The following EXOC1L variants were observed in gnomAD, a reference collection of about 807,000 sequenced individuals.
EXOC1L encodes exocyst complex component 1-like.
EXOC1L carries 10 observed loss-of-function variants against 4.9 expected under a neutral mutation model. The ratio of observed to expected loss-of-function variants is 2.02; its 90% CI spans 1.25 to 3.43. The LOEUF (loss-of-function observed/expected upper bound fraction) is 3.43, where lower values mean the gene tolerates loss of function less well. Among genes scored for constraint, EXOC1L ranks in the 30% most tolerant of loss-of-function variants. EXOC1L has a pLI of 0.00. For synonymous variants in EXOC1L, 41 were observed against 20.8 expected (o/e 1.97, Z -2.63); for missense variants, 114 against 59.4 (o/e 1.92, Z -3.02).
intron 1 of EXOC1L, among the ~76,000 whole-genome samples, chr4:55,827,374 C>G (rs1231763510): frequency 6.6e-6 from 1 of 152,168 alleles, no homozygotes; most frequent in East Asian, 1.9e-4. Flanking sequence ...TCCCAGACCC[C>G]CACTTGGATG....
Position 55,837,247 on chromosome 4 carries a change from G to A in EXOC1L, c.415G>A (p.Asp139Asn), listed in dbSNP as rs1161335055. Reference protein sequence around the residue: ...VNFDSTYINDDSIWSSNNKDC... With the variant: ...VNFDSTYINDNSIWSSNNKDC... ...CTTTGATTCTACATACATTAACGAT[G>A]ATTCCATTTGGTCCTCCAACAATAA... The change falls in exon 3 of 3, where the codon GAT becomes AAT. Residue 139 changes from aspartate to asparagine, a missense_variant. Transcript: ENST00000636125. 7 of 701,170 alleles carry A rather than the reference G, an allele frequency of 1.0e-5. No individual in the cohort carries two copies. In the East Asian group the frequency reaches 1.6e-4, roughly 16 times the overall value. The allele number at this position is 701,170 out of a possible 1,614,324, so 43.4% of individuals were successfully genotyped here. A position where few individuals can be genotyped will look rare whatever the true frequency, so the allele number is the denominator to read the frequency against.
intron 2 of EXOC1L, among the ~76,000 whole-genome samples, chr4:55,834,421 G>A (rs914840945): frequency 5.3e-5 from 8 of 151,890 alleles, no homozygotes; most frequent in Admixed American, 2.0e-4. Flanking sequence ...ATCAATAAAT[G>A]ATTCCTGAGA....
chr4:55,836,903 G>A (rs1720179468), intron 2 of EXOC1L, among the ~76,000 whole-genome samples, 182 bp from the exon 3 acceptor site: 1 of 151,886 alleles, frequency 6.6e-6, no homozygotes, highest in Non-Finnish European at 1.5e-5. Context: ...TCTTATTGTT[G>A]ATTTTTAGAA....
chr4:55,835,129 C>T (rs936409879), intron 2 of EXOC1L, among the ~76,000 whole-genome samples: 1 of 151,682 alleles, frequency 6.6e-6, no homozygotes, highest in African/African-American at 2.4e-5. Flanking sequence ...GTCTCCAATT[C>T]CATCCAGGTT....
chr4:55,827,677 A>G (rs1037105152), intron 1 of EXOC1L, among the ~76,000 whole-genome samples: 1 of 152,160 alleles, frequency 6.6e-6, no homozygotes, highest in Non-Finnish European at 1.5e-5. Context: ...TACATTTTTC[A>G]TACCTCCCCA....
At chr4:55,825,243 C>T (rs1209120852) in intron 1 of EXOC1L, among the ~76,000 whole-genome samples, 1 of 152,126 alleles carries the variant, frequency 6.6e-6, no homozygotes, top group African/African-American at 2.4e-5. Flanking sequence ...AAGTTAAGTA[C>T]CTAGTCCAAG....
At chr4:55,833,245 G>T (rs1720078021) in intron 2 of EXOC1L, among the ~76,000 whole-genome samples, 1 of 151,738 alleles carries the variant, frequency 6.6e-6, no homozygotes, top group South Asian at 2.1e-4. Flanking sequence ...GAACACAATT[G>T]TTCAGCCACT....
chr4:55,822,849 A>G (rs1388595786), intron 1 of EXOC1L, among the ~76,000 whole-genome samples: 1 of 152,168 alleles, frequency 6.6e-6, no homozygotes, highest in Non-Finnish European at 1.5e-5. Flanking sequence ...TTCTAAATAA[A>G]TAGAATTAAA....
intron 2 of EXOC1L, among the ~76,000 whole-genome samples, chr4:55,835,271 G>A (rs777288400): frequency 6.6e-6 from 1 of 151,470 alleles, no homozygotes; most frequent in African/African-American, 2.4e-5. Context: ...GGGCATTTGG[G>A]CTGGTTCCAT....
At chr4:55,835,853 C>T (rs1010729366) in intron 2 of EXOC1L, among the ~76,000 whole-genome samples, 1 of 151,720 alleles carries the variant, frequency 6.6e-6, no homozygotes, top group Admixed American at 6.6e-5. Context: ...GAAGTAAAAG[C>T]ATGATTATGT....
intron 2 of EXOC1L, 28 bp downstream of exon 2, chr4:55,831,492 T>A (rs1269177044): frequency 1.5e-6 from 1 of 665,632 alleles, no homozygotes; most frequent in Non-Finnish European, 2.7e-6. Flanking sequence ...TAAGGAGATG[T>A]GGAATCAATA....
rs1720199621 is a variant in EXOC1L, at chr4:55,837,400, A to T, written c.*49A>T. On this transcript the variant is annotated 3_prime_UTR_variant, in exon 3 of 3. Coordinates refer to ENST00000636125, the MANE Select transcript of EXOC1L (RefSeq NM_001351574.3). The stretch of plus-strand genomic sequence containing the variant: ...CAGTGACCTATGAAAATGGTTTCCC[A>T]AGTAAATATTGATTGTCATAATTTT... The T allele has an allele frequency of 2.3e-6, 1 of 438,004 alleles. No homozygotes were observed. Among genetic ancestry groups the T allele is most frequent in the Admixed American group, 4.1e-5 (1 of 24,566 alleles). 27.1% of individuals were successfully genotyped at this position (438,004 alleles called of 1,614,324 possible). A position where few individuals can be genotyped will look rare whatever the true frequency, so the allele number is the denominator to read the frequency against.
chr4:55,834,649 G>A (rs1227360290), intron 2 of EXOC1L, among the ~76,000 whole-genome samples: 1 of 151,758 alleles, frequency 6.6e-6, no homozygotes, highest in African/African-American at 2.4e-5. Context: ...ATCTGGTGAT[G>A]CAATGGATGT....
At chr4:55,833,332 A>T (rs1720081260) in intron 2 of EXOC1L, among the ~76,000 whole-genome samples, 1 of 151,846 alleles carries the variant, frequency 6.6e-6, no homozygotes, top group African/African-American at 2.4e-5. Flanking sequence ...TTAGTTTGTC[A>T]TGTTATTGAA....
chr4:55,823,402 C>A (rs777073281), intron 1 of EXOC1L, among the ~76,000 whole-genome samples: 1 of 152,162 alleles, frequency 6.6e-6, no homozygotes, highest in Non-Finnish European at 1.5e-5. Context: ...GAATTTCTTT[C>A]TTTAAGTTGT....
chr4:55,834,065 C>T (rs1720101682), intron 2 of EXOC1L, among the ~76,000 whole-genome samples: 1 of 151,804 alleles, frequency 6.6e-6, no homozygotes, highest in African/African-American at 2.4e-5. Context: ...ACATTTTTTA[C>T]ATTTACATGA....
At chr4:55,830,217 C>T (rs1719990294) in intron 1 of EXOC1L, among the ~76,000 whole-genome samples, 1 of 152,160 alleles carries the variant, frequency 6.6e-6, no homozygotes, top group Admixed American at 6.5e-5. Context: ...TTCATGTCTA[C>T]AGCGCTAGGA....
At chr4:55,830,675 T>C (rs1284163276) in intron 1 of EXOC1L, among the ~76,000 whole-genome samples, 1 of 151,072 alleles carries the variant, frequency 6.6e-6, no homozygotes, top group Non-Finnish European at 1.5e-5. Context: ...TTCCCATATC[T>C]TTCAAAGTAT....
At chr4:55,831,513 C>T (rs991626179) in intron 2 of EXOC1L, 49 bp downstream of exon 2, 2 of 643,196 alleles carry the variant, frequency 3.1e-6, no homozygotes, top group African/African-American at 3.7e-5. Context: ...TGCTGGAGAT[C>T]TTTATGTTCA....
Sources: allele counts gnomAD v4.1 joint callset (sites outside exome capture counted in the v4.1 genomes callset), GRCh38; gene constraint gnomAD v4.1.1; transcripts MANE v1.5; gene names NCBI Gene and HGNC (gene_info 2026-07-23, HGNC 2026-07-21).